The following IQSEC1 variants were observed in gnomAD, a reference collection of about 807,000 sequenced individuals.
IQSEC1 encodes IQ motif and Sec7 domain ArfGEF 1, also known as IQ motif and SEC7 domain-containing protein 1.
A neutral mutation model predicts 91.0 loss-of-function variants in IQSEC1; 31 were observed. The ratio of observed to expected loss-of-function variants is 0.34; its 90% CI spans 0.26 to 0.46. IQSEC1 has a LOEUF of 0.46. Among genes scored for constraint, IQSEC1 ranks in the 20% least tolerant of loss-of-function variants. IQSEC1 has a pLI of 1.00. For missense variants in IQSEC1, 1,388 were observed against 1,575.6 expected, an observed-to-expected ratio of 0.88 and a Z score of 2.02; for synonymous variants, 699 against 662.6, an observed-to-expected ratio of 1.05 and a Z score of -0.84.
chr3:13,046,596 C>T (rs1321183900), intron 1 of IQSEC1, among the ~76,000 whole-genome samples: 3 of 152,210 alleles, frequency 2.0e-5, no homozygotes. Context: ...CCCCCTCTCC[C>T]AGAAGCCAAG....
At chr3:12,951,460 T>A (rs1205962153) in intron 1 of IQSEC1, among the ~76,000 whole-genome samples, 7 of 141,302 alleles carry the variant, frequency 5.0e-5, no homozygotes, top group South Asian at 2.2e-4. Context: ...AAAAAAAAAA[T>A]TAGAATAAAA....
At chr3:13,110,417 C>T (rs1706224710) in intron 2 of IQSEC1, among the ~76,000 whole-genome samples, 2 of 151,872 alleles carry the variant, frequency 1.3e-5, no homozygotes, top group Admixed American at 1.3e-4. Flanking sequence ...GGTGAAATCC[C>T]GTCTCTACTA....
chr3:13,208,660 G>A (rs573894120), intron 1 of IQSEC1, among the ~76,000 whole-genome samples: 1 of 152,328 alleles, frequency 6.6e-6, no homozygotes, highest in South Asian at 2.1e-4. Context: ...GGTTTTGAGG[G>A]AGGGAACGAA....
At position 13,152,000 on chromosome 3, in the gene IQSEC1, CA is replaced by C. The variant is rs1183639021; in HGVS notation, c.302+12103del. Among the ~76,000 whole-genome samples, 3 of 151,932 alleles carry C rather than the reference CA, an allele frequency of 2.0e-5. No homozygotes were observed. The South Asian group carries it at 6.2e-4, about 32-fold the overall frequency. On this transcript the variant is annotated intron_variant, in intron 2 of 15. Coordinates refer to the IQSEC1 transcript ENST00000648114. ...AAAACAACAACAACAAAAACAAAAA[CA>C]AAAAAAGAGAGAGTTCTATTCCTCA...
chr3:13,257,182 A>G (rs1427678730), intron 1 of IQSEC1, among the ~76,000 whole-genome samples: 2 of 152,190 alleles, frequency 1.3e-5, no homozygotes, highest in African/African-American at 4.8e-5. Flanking sequence ...TCAGGATGGC[A>G]CAGAGACACA....
upstream of IQSEC1, among the ~76,000 whole-genome samples, chr3:13,074,169 A>G (rs768326338): frequency 6.6e-6 from 1 of 152,094 alleles, no homozygotes; most frequent in Non-Finnish European, 1.5e-5. Context: ...GGAGGCAGGG[A>G]CCCCAAGAGA....
chr3:12,976,309 C>T (rs1467440600), intron 1 of IQSEC1, among the ~76,000 whole-genome samples: 1 of 152,246 alleles, frequency 6.6e-6, no homozygotes, highest in African/African-American at 2.4e-5. Flanking sequence ...GCTGAGCACA[C>T]CCCACAAGCC....
At chr3:13,050,393 T>C (rs1037547506) in intron 1 of IQSEC1, among the ~76,000 whole-genome samples, 1 of 151,994 alleles carries the variant, frequency 6.6e-6, no homozygotes, top group Non-Finnish European at 1.5e-5. Flanking sequence ...CAACCCCAAC[T>C]TGTGTGTGCC....
chr3:13,239,730 C>T (rs1694988301), intron 1 of IQSEC1, among the ~76,000 whole-genome samples: 1 of 152,262 alleles, frequency 6.6e-6, no homozygotes, highest in Admixed American at 6.5e-5. Context: ...CACGTGGTAC[C>T]ACACAGGTGA....
chr3:12,925,169 C>G (rs916011590), intron 3 of IQSEC1, among the ~76,000 whole-genome samples: 1 of 152,230 alleles, frequency 6.6e-6, no homozygotes, highest in Non-Finnish European at 1.5e-5. Flanking sequence ...ACATTCAGAA[C>G]TGGGTTCCCT....
At position 12,970,195 on chromosome 3, in the gene IQSEC1, C is replaced by T. The variant is rs928747682; in HGVS notation, c.24-28330G>A. 7.9e-5 allele frequency among the ~76,000 whole-genome samples: 12 copies of T among 152,294 alleles called. No homozygotes were observed. The highest frequency in any genetic ancestry group is 2.6e-4 in the African/African-American group (11 of 41,546). ...TTACTCTGAGGCCTCAGTGGGGAAA[C>T]ACTGCTGTGACAAGTATTCCCCAGT... On this transcript the variant is annotated intron_variant, in intron 1 of 13. Transcript: ENST00000613206. The surrounding 1 kb of genome is among the most constrained non-coding windows in gnomAD (Gnocchi z 4.4).
chr3:13,242,771 C>A (rs1306993921), intron 1 of IQSEC1, among the ~76,000 whole-genome samples: 11 of 152,048 alleles, frequency 7.2e-5, no homozygotes, highest in Non-Finnish European at 1.0e-4. Flanking sequence ...CCCCTTCAGG[C>A]TTCACGTCAC....
chr3:13,152,821 G>T (rs358350), intron 2 of IQSEC1, among the ~76,000 whole-genome samples: 43,226 of 152,012 alleles, frequency 0.28, 6,497 homozygotes, highest in East Asian at 0.53. Context: ...AGTGAGCCAA[G>T]ATCACGCCAT....
At chr3:12,944,019 A>G (rs1375501949) in intron 1 of IQSEC1, among the ~76,000 whole-genome samples, 1 of 152,142 alleles carries the variant, frequency 6.6e-6, no homozygotes, top group Non-Finnish European at 1.5e-5. Context: ...CTGAATGAAG[A>G]GGGGGTCCCA....
At position 13,213,172 on chromosome 3, in the gene IQSEC1, T is replaced by C. The variant is rs556122486; in HGVS notation, c.273-49039A>G. Among the ~76,000 whole-genome samples the C allele has an allele frequency of 2.6e-5, 4 of 152,362 alleles. No homozygotes were observed. In the East Asian group the frequency reaches 7.7e-4, roughly 29 times the overall value. ...TCCTAAGTTTTCTTGTATTTTATCATTTTTAGTTCTGACATTTAGTTACAT... is the reference window on the plus strand; with the variant it reads ...TCCTAAGTTTTCTTGTATTTTATCACTTTTAGTTCTGACATTTAGTTACAT... On this transcript the variant is annotated intron_variant, in intron 1 of 15. Coordinates refer to the IQSEC1 transcript ENST00000648114.
chr3:13,118,166 C>G (rs1706367117), intron 2 of IQSEC1, among the ~76,000 whole-genome samples: 1 of 152,164 alleles, frequency 6.6e-6, no homozygotes, highest in Non-Finnish European at 1.5e-5. Flanking sequence ...CCACCCTGGT[C>G]TGATCACCAG....
At position 12,935,782 on chromosome 3, in the gene IQSEC1, C is replaced by T. The variant is rs757663574; in HGVS notation, c.1234G>A (p.Ala412Thr). ...GSPKHGPHSG[A>T]PKSLPREEPE... ...TCCTCCCGGGGGAGGCTCTTGGGGGCGCCGCTGTGGGGACCATGCTTGGGA... is the reference window on the plus strand; with the variant it reads ...TCCTCCCGGGGGAGGCTCTTGGGGGTGCCGCTGTGGGGACCATGCTTGGGA... The change falls in exon 3 of 14, where the codon GCC (alanine) becomes ACC (threonine). Residue 412 changes from alanine (A) to threonine (T), a missense_variant. Physicochemically the swap from Ala to Thr is moderately conservative, Grantham distance 58. Around this residue, in one of 2 missense-constraint regions of IQSEC1, gnomAD observed 1,059 missense variants for 1,317.8 expected, o/e 0.80. Transcript: ENST00000613206. The surrounding 1 kb of genome is among the most constrained non-coding windows in gnomAD (Gnocchi z 8.0). 12 of 1,607,362 alleles carry T rather than the reference C, an allele frequency of 7.5e-6. No individual in the cohort carries two copies. The South Asian group carries it at 7.7e-5, about 10-fold the overall frequency.
At chr3:13,047,463 A>G (rs944402219) in intron 1 of IQSEC1, 41 of 984,988 alleles carry the variant, frequency 4.2e-5, no homozygotes, top group Admixed American at 6.2e-5. Flanking sequence ...GCTGGGGTGG[A>G]CGGCAAGACA....
chr3:13,178,450 C>T (rs1693778090), intron 1 of IQSEC1, among the ~76,000 whole-genome samples: 1 of 152,264 alleles, frequency 6.6e-6, no homozygotes, highest in Non-Finnish European at 1.5e-5. Context: ...GCACCATAGA[C>T]TAGGTGGCTT....
Sources: gnomAD v4.1 joint callset for allele counts (sites outside exome capture counted in the v4.1 genomes callset) on GRCh38, gnomAD v4.1.1 for gene constraint, gnomAD v4.1.1 regional missense constraint, Gnocchi (gnomAD v3.1) non-coding constraint, MANE v1.5 for transcripts, NCBI Gene and HGNC (gene_info 2026-07-23, HGNC 2026-07-21) for gene names.